The following NHS variants were observed in gnomAD, a reference collection of about 807,000 sequenced individuals.
NHS encodes NHS actin remodeling regulator.
Under a neutral mutation model 72.5 loss-of-function variants are expected in NHS, and 5 were observed. That is an observed-to-expected ratio of 0.07 (90% confidence interval 0.04 to 0.14). NHS has a LOEUF of 0.14. NHS is among the 10% of genes least tolerant of loss of function. The probability of loss-of-function intolerance (pLI) is 1.00; values close to 1 mark genes in which losing one functional copy is unlikely to be tolerated. For missense variants in NHS, 1,072 were observed against 1,355.7 expected (o/e 0.79, Z 3.29); for synonymous variants, 464 against 547.7 (o/e 0.85, Z 2.13).
intron 1 of NHS, among the ~76,000 whole-genome samples, chrX:17,377,230 C>T (rs988991838): frequency 9.8e-5 from 11 of 112,505 alleles, no homozygotes; most frequent in Non-Finnish European, 2.1e-4. Flanking sequence ...GTCTGGGAGA[C>T]CCCTGGGCGT....
chrX:17,682,036 G>T (rs2066132615), intron 1 of NHS, among the ~76,000 whole-genome samples: 1 of 110,947 alleles, frequency 9.0e-6, no homozygotes, highest in Non-Finnish European at 1.9e-5. Flanking sequence ...GCTTTGGGCT[G>T]CTCTGCAGGT....
intron 1 of NHS, among the ~76,000 whole-genome samples, chrX:17,391,225 T>C (rs1473812693): frequency 8.9e-6 from 1 of 112,197 alleles, no homozygotes; most frequent in Non-Finnish European, 1.9e-5. Flanking sequence ...AGTTTTGTCA[T>C]GATCACATGC....
intron 1 of NHS, among the ~76,000 whole-genome samples, chrX:17,382,904 G>T (rs2064384868): frequency 8.9e-6 from 1 of 112,052 alleles, no homozygotes; most frequent in African/African-American, 3.2e-5. Flanking sequence ...TTGTTGGGAA[G>T]GCCAGAGGTG....
intron 1 of NHS, among the ~76,000 whole-genome samples, chrX:17,612,866 C>A: frequency 9.0e-6 from 1 of 111,204 alleles, no homozygotes; most frequent in Non-Finnish European, 1.9e-5. Context: ...TCTTGTTCAA[C>A]CTCAAACAGA....
chrX:17,480,079 G>A (rs891543329), intron 1 of NHS, among the ~76,000 whole-genome samples: 2 of 111,289 alleles, frequency 1.8e-5, no homozygotes, highest in East Asian at 2.8e-4. Context: ...CAAGGGATGC[G>A]AAGGACCTCT....
chrX:17,622,015 G>A (rs1476652306), intron 1 of NHS, among the ~76,000 whole-genome samples: 2 of 112,230 alleles, frequency 1.8e-5, no homozygotes, highest in Non-Finnish European at 3.8e-5. Context: ...ACCTGAGAGA[G>A]AATAGCTTTT....
At chrX:17,400,604 A>G (rs1026642580) in intron 1 of NHS, among the ~76,000 whole-genome samples, 22 of 110,682 alleles carry the variant, frequency 2.0e-4, no homozygotes, top group Non-Finnish European at 3.8e-5. Context: ...AAAAAAAAAG[A>G]GAGAGAATGA....
At chrX:17,534,493 A>G (rs1298522030) in intron 1 of NHS, among the ~76,000 whole-genome samples, 1 of 110,688 alleles carries the variant, frequency 9.0e-6, no homozygotes, top group Non-Finnish European at 1.9e-5. Flanking sequence ...TAGGGACAAG[A>G]GCTCAGAAAG....
intron 1 of NHS, among the ~76,000 whole-genome samples, chrX:17,492,119 A>T (rs1478075767): frequency 1.3e-4 from 14 of 110,129 alleles, no homozygotes; most frequent in African/African-American, 4.0e-4. Flanking sequence ...AAGGGTTTTC[A>T]TGTCTCTATC....
intron 1 of NHS, among the ~76,000 whole-genome samples, chrX:17,500,161 A>G (rs2065030846): frequency 8.9e-6 from 1 of 112,218 alleles, no homozygotes; most frequent in Non-Finnish European, 1.9e-5. Flanking sequence ...ATTCTGAGGC[A>G]CATGTGTGAA....
chrX:17,384,361 G>T (rs1293840996), intron 1 of NHS, among the ~76,000 whole-genome samples: 1 of 112,448 alleles, frequency 8.9e-6, no homozygotes, highest in African/African-American at 3.2e-5. Flanking sequence ...TCACAGAAGA[G>T]CTGAGAAGAA....
At chrX:17,419,642 T>C (rs1263211326) in intron 1 of NHS, among the ~76,000 whole-genome samples, 1 of 110,848 alleles carries the variant, frequency 9.0e-6, no homozygotes, top group Non-Finnish European at 1.9e-5. Flanking sequence ...TTTCTAGATT[T>C]AGTGTATAAA....
At chrX:17,609,306 T>G (rs1184588848) in intron 1 of NHS, among the ~76,000 whole-genome samples, 1 of 111,995 alleles carries the variant, frequency 8.9e-6, no homozygotes, top group African/African-American at 3.2e-5. Context: ...TGTTTTGACC[T>G]GGGGTATCAG....
chrX:17,484,574 G>A (rs1283532485), intron 1 of NHS, among the ~76,000 whole-genome samples: 1 of 110,323 alleles, frequency 9.1e-6, no homozygotes. Flanking sequence ...TCATGGGAAG[G>A]AACAGGCAAG....
chrX:17,591,410 C>T (rs1263858594), intron 1 of NHS, among the ~76,000 whole-genome samples: 1 of 111,480 alleles, frequency 9.0e-6, no homozygotes, highest in African/African-American at 3.3e-5. Context: ...ATCTACTAGC[C>T]GAGATCAGAA....
intron 1 of NHS, among the ~76,000 whole-genome samples, chrX:17,553,782 G>C (rs754501744): frequency 1.8e-5 from 2 of 111,463 alleles, no homozygotes; most frequent in South Asian, 7.7e-4. Flanking sequence ...GGGGGGCGGT[G>C]CTTGGGAGAC....
At chrX:17,635,710 C>A in intron 1 of NHS, 1 of 800,751 alleles carries the variant, frequency 1.2e-6, no homozygotes, top group Non-Finnish European at 1.8e-6. Context: ...GAGAAGATAA[C>A]TATGTTTCCC....
At chrX:17,594,714 C>T (rs2065617609) in intron 1 of NHS, among the ~76,000 whole-genome samples, 1 of 112,756 alleles carries the variant, frequency 8.9e-6, no homozygotes, top group African/African-American at 3.2e-5. Flanking sequence ...GATTCTTGTG[C>T]ACGCCCTTCA....
intron 1 of NHS, among the ~76,000 whole-genome samples, chrX:17,580,405 A>G (rs1162054058): frequency 8.9e-6 from 1 of 112,225 alleles, no homozygotes; most frequent in Non-Finnish European, 1.9e-5. Flanking sequence ...ATCTTAGTGA[A>G]CAAAGCAGAG....
Sources: allele counts gnomAD v4.1 joint callset (sites outside exome capture counted in the v4.1 genomes callset), GRCh38; gene constraint gnomAD v4.1.1; transcripts MANE v1.5; gene names NCBI Gene and HGNC (gene_info 2026-07-23, HGNC 2026-07-21).